The following ANKS1B variants were observed in gnomAD, a reference collection of about 807,000 sequenced individuals.
The protein encoded by ANKS1B is ankyrin repeat and sterile alpha motif domain containing 1B, also known as ankyrin repeat and sterile alpha motif domain-containing protein 1B.
In ANKS1B, 36 loss-of-function variants were observed where a neutral mutation model predicts 148.3. That is an observed-to-expected ratio of 0.24 (90% CI 0.19 to 0.32). ANKS1B has a LOEUF of 0.32. Ranked by LOEUF, ANKS1B falls within the 10% of genes least tolerant of loss-of-function variation. The pLI is 1.00. For synonymous variants in ANKS1B, 542 were observed against 560.8 expected, an observed-to-expected ratio of 0.97 and a Z score of 0.47; for missense variants, 1,157 against 1,542.6, an observed-to-expected ratio of 0.75 and a Z score of 4.19.
At chr12:99,313,361 C>T (rs1382019105) in intron 12 of ANKS1B, among the ~76,000 whole-genome samples, 1 of 152,158 alleles carries the variant, frequency 6.6e-6, no homozygotes. Context: ...GGTACCAAAC[C>T]TTCTGAAACT....
chr12:99,520,097 G>T (rs940424287), intron 9 of ANKS1B, among the ~76,000 whole-genome samples: 11 of 152,110 alleles, frequency 7.2e-5, no homozygotes, highest in African/African-American at 2.7e-4. Flanking sequence ...GATATGAGTA[G>T]TTTACATGCC....
intron 1 of ANKS1B, among the ~76,000 whole-genome samples, chr12:99,913,584 G>A (rs2094076744): frequency 6.6e-6 from 1 of 152,130 alleles, no homozygotes; most frequent in Admixed American, 6.5e-5. Context: ...AAAGAGATTA[G>A]CTTCAAAATA....
chr12:98,793,545 C>G (rs766308023), intron 22 of ANKS1B, among the ~76,000 whole-genome samples: 1 of 152,178 alleles, frequency 6.6e-6, no homozygotes, highest in Non-Finnish European at 1.5e-5. Flanking sequence ...GCAAAGGAGA[C>G]ATCTTAGAGA....
At chr12:99,532,358 G>C (rs527524298) in intron 9 of ANKS1B, among the ~76,000 whole-genome samples, 2 of 152,150 alleles carry the variant, frequency 1.3e-5, no homozygotes, top group South Asian at 4.1e-4. Flanking sequence ...TGTTGTTGTT[G>C]TTTGCTTGTT....
chr12:99,660,504 G>C (rs2098471999), intron 8 of ANKS1B, among the ~76,000 whole-genome samples: 1 of 151,316 alleles, frequency 6.6e-6, no homozygotes, highest in Admixed American at 6.6e-5. Context: ...GCTGGGATTA[G>C]AGGTGCCCAC....
intron 2 of ANKS1B, among the ~76,000 whole-genome samples, chr12:99,817,508 T>C (rs915025441): frequency 7.1e-3 from 155 of 21,900 alleles, no homozygotes; most frequent in African/African-American, 0.034. Context: ...CTGATTTCCT[T>C]TTTTTTTTTG....
chr12:99,392,237 G>A (rs2094099818), intron 12 of ANKS1B, among the ~76,000 whole-genome samples: 1 of 152,220 alleles, frequency 6.6e-6, no homozygotes, highest in Non-Finnish European at 1.5e-5. Context: ...TCAGCTTCAG[G>A]AGGTCTATTT....
At chr12:99,701,198 T>G (rs949291170) in intron 8 of ANKS1B, among the ~76,000 whole-genome samples, 1 of 152,166 alleles carries the variant, frequency 6.6e-6, no homozygotes, top group African/African-American at 2.4e-5. Context: ...CTGACACCAG[T>G]TGAGACACTT....
At chr12:99,260,928 A>G (rs1337528540) in intron 12 of ANKS1B, among the ~76,000 whole-genome samples, 1 of 152,204 alleles carries the variant, frequency 6.6e-6, no homozygotes, top group Non-Finnish European at 1.5e-5. Flanking sequence ...TAAATGACAT[A>G]TTCATTTAGC....
intron 8 of ANKS1B, among the ~76,000 whole-genome samples, chr12:99,696,341 A>AT (rs1316838714): frequency 1.3e-5 from 2 of 152,210 alleles, no homozygotes; most frequent in Admixed American, 6.5e-5. Context: ...AAGGTGTACT[A>AT]TAAAGCTACA....
chr12:99,428,091 A>G (rs2095296214), intron 11 of ANKS1B, among the ~76,000 whole-genome samples: 1 of 152,206 alleles, frequency 6.6e-6, no homozygotes, highest in Non-Finnish European at 1.5e-5. Context: ...CATGTTGACA[A>G]TGTAATAAGA....
intron 12 of ANKS1B, among the ~76,000 whole-genome samples, chr12:99,351,641 A>G (rs977318883): frequency 5.9e-5 from 9 of 152,090 alleles, no homozygotes; most frequent in African/African-American, 2.2e-4. Flanking sequence ...CATGAGGATT[A>G]GAAATAATAC....
rs546653378 is a variant in ANKS1B, at chr12:98,953,600, C to T, written c.2778+99557G>A. Among the ~76,000 whole-genome samples the T allele has an allele frequency of 6.1e-5, 8 of 131,742 alleles. No individual in the cohort carries two copies. The South Asian group carries it at 7.8e-4, about 13-fold the overall frequency. 86.4% of individuals were successfully genotyped at this position (131,742 alleles called of 152,430 possible). A position where few individuals can be genotyped will look rare whatever the true frequency, so the allele number is the denominator to read the frequency against. ...TTACCTCTTTCTCTAGAGCCCTCCA[C>T]CTCATGCACATTCCTTTCTTTCTAT... On this transcript the variant is annotated intron_variant, in intron 17 of 26. Coordinates refer to ENST00000683438, the MANE Select transcript of ANKS1B (RefSeq NM_001352186.2).
At chr12:98,892,933 C>T (rs1403439472) in intron 17 of ANKS1B, among the ~76,000 whole-genome samples, 4 of 152,166 alleles carry the variant, frequency 2.6e-5, no homozygotes, top group African/African-American at 9.7e-5. Flanking sequence ...CCAAACTGCA[C>T]CAAGCAAAGT....
At chr12:99,784,827 C>T (rs1050172009) in intron 4 of ANKS1B, among the ~76,000 whole-genome samples, 5 of 152,188 alleles carry the variant, frequency 3.3e-5, no homozygotes, top group African/African-American at 9.6e-5. Context: ...ATAAAGACAT[C>T]CCTGACCCCT....
chr12:99,247,247 C>G (rs752788766), intron 12 of ANKS1B, among the ~76,000 whole-genome samples: 1 of 152,098 alleles, frequency 6.6e-6, no homozygotes, highest in Non-Finnish European at 1.5e-5. Context: ...AATGAATCAT[C>G]GTGAAGTAGA....
Position 99,170,897 on chromosome 12 carries a change from G to A in ANKS1B, c.2420-16502C>T, listed in dbSNP as rs143056422. On this transcript the variant is annotated intron_variant, in intron 14 of 26. Coordinates refer to ENST00000683438, the MANE Select transcript of ANKS1B (RefSeq NM_001352186.2). The stretch of plus-strand genomic sequence containing the variant: ...AGACAGGATGATTCTTATTTCTACC[G>A]TAATTAGCAAAAGGGACAATTAGTT... 4.0e-3 allele frequency among the ~76,000 whole-genome samples: 610 copies of A among 152,220 alleles called. 5 individuals carry two copies. The highest frequency in any genetic ancestry group is 0.014 in the African/African-American group (591 of 41,524).
chr12:99,077,427 G>A (rs971642637), intron 16 of ANKS1B, among the ~76,000 whole-genome samples: 1 of 152,122 alleles, frequency 6.6e-6, no homozygotes, highest in African/African-American at 2.4e-5. Flanking sequence ...AAAATAAGTC[G>A]CCCTGTCAAA....
At position 98,905,570 on chromosome 12, in the gene ANKS1B, G is replaced by C. The variant is rs556336228; in HGVS notation, c.2779-73434C>G. On this transcript the variant is annotated intron_variant, in intron 17 of 26. Coordinates refer to ENST00000683438, the MANE Select transcript of ANKS1B (RefSeq NM_001352186.2). ...GGACTGCTTGAGTTCAGGAGTTTGA[G>C]ACCATCCTGGACAACATAGCGAGAC... 8.6e-5 allele frequency among the ~76,000 whole-genome samples: 13 copies of C among 151,832 alleles called. No individual in the cohort carries two copies. The South Asian group carries it at 1.7e-3, about 19-fold the overall frequency.
Sources: allele counts gnomAD v4.1 joint callset (sites outside exome capture counted in the v4.1 genomes callset), GRCh38; gene constraint gnomAD v4.1.1; transcripts MANE v1.5; gene names NCBI Gene and HGNC (gene_info 2026-07-23, HGNC 2026-07-21).